Variants in THSD7A observed in about 807,000 individuals in gnomAD.
The protein encoded by THSD7A is thrombospondin type-1 domain-containing protein 7A.
Under a neutral mutation model 231.3 loss-of-function variants are expected in THSD7A, and 96 were observed. The observed-to-expected ratio is 0.41, with a 90% CI of 0.35 to 0.49. THSD7A has a LOEUF of 0.49. THSD7A is among the 20% of genes least tolerant of loss of function. The pLI is 0.05. For missense variants in THSD7A, 2,290 were observed against 2,070.2 expected, an observed-to-expected ratio of 1.11 and a Z score of -2.06; for synonymous variants, 940 against 743.3, an observed-to-expected ratio of 1.26 and a Z score of -4.30.
At chr7:11,601,544 A>T (rs571723422) in intron 2 of THSD7A, among the ~76,000 whole-genome samples, 10 of 152,238 alleles carry the variant, frequency 6.6e-5, no homozygotes, top group African/African-American at 2.4e-4. Context: ...TCTTGTGGGA[A>T]ATAAAGCTTT....
chr7:11,569,816 A>G (rs982520394), intron 4 of THSD7A, among the ~76,000 whole-genome samples: 4 of 152,222 alleles, frequency 2.6e-5, no homozygotes, highest in Non-Finnish European at 4.4e-5. Context: ...TATTTGGTAC[A>G]TGTACACAAT....
At chr7:11,452,201 G>GA (rs940706131) in intron 11 of THSD7A, among the ~76,000 whole-genome samples, 3 of 151,860 alleles carry the variant, frequency 2.0e-5, no homozygotes, top group African/African-American at 7.2e-5. Context: ...ATGGTTTTAT[G>GA]AAAAAAATGG....
At chr7:11,686,838 G>A (rs1447302174) in intron 1 of THSD7A, among the ~76,000 whole-genome samples, 2 of 151,748 alleles carry the variant, frequency 1.3e-5, no homozygotes, top group Non-Finnish European at 2.9e-5. Context: ...CTAGATGGGG[G>A]AAAGGGTTGG....
intron 1 of THSD7A, among the ~76,000 whole-genome samples, chr7:11,730,432 T>C (rs2128156957): frequency 6.6e-6 from 1 of 151,770 alleles, no homozygotes; most frequent in East Asian, 1.9e-4. Flanking sequence ...TATTATTGTC[T>C]TATAAAAGTT....
At chr7:11,574,999 G>C (rs962188554) in intron 4 of THSD7A, among the ~76,000 whole-genome samples, 1 of 152,064 alleles carries the variant, frequency 6.6e-6, no homozygotes, top group African/African-American at 2.4e-5. Context: ...ACGTTTACTA[G>C]CTATATTCCT....
intron 23 of THSD7A, chr7:11,385,068 G>A (rs1352416379): frequency 6.8e-6 from 1 of 146,928 alleles, no homozygotes; most frequent in Admixed American, 6.8e-5. Context: ...TAGTTTTATT[G>A]TCAATGCAGC....
intron 4 of THSD7A, among the ~76,000 whole-genome samples, chr7:11,555,938 C>T (rs1420533920): frequency 1.3e-5 from 2 of 151,700 alleles, no homozygotes; most frequent in East Asian, 1.9e-4. Context: ...CACAGTTTCT[C>T]ATTATTTTAC....
At chr7:11,656,635 T>C (rs1200621991) in intron 1 of THSD7A, among the ~76,000 whole-genome samples, 1 of 151,916 alleles carries the variant, frequency 6.6e-6, no homozygotes, top group Non-Finnish European at 1.5e-5. Flanking sequence ...GGCTCATTCA[T>C]AACAATATCT....
intron 1 of THSD7A, among the ~76,000 whole-genome samples, chr7:11,801,555 T>G (rs4270857): frequency 6.6e-6 from 1 of 152,144 alleles, no homozygotes; most frequent in Non-Finnish European, 1.5e-5. Flanking sequence ...CAAAATATCG[T>G]GGATTCTATA....
At chr7:11,629,137 G>A (rs1288801598) in intron 2 of THSD7A, among the ~76,000 whole-genome samples, 1 of 152,122 alleles carries the variant, frequency 6.6e-6, no homozygotes, top group African/African-American at 2.4e-5. Flanking sequence ...CTGATATACT[G>A]CTGCTTTCTC....
intron 24 of THSD7A, among the ~76,000 whole-genome samples, chr7:11,380,987 G>C (rs1782491116): frequency 6.6e-6 from 1 of 152,102 alleles, no homozygotes. Context: ...TAGAAGAAAA[G>C]TCAGGTAAAT....
At position 11,446,298 on chromosome 7, in the gene THSD7A, TAC is replaced by T; in HGVS notation, c.2825_2826del (p.Cys942Ter). On this transcript the variant is annotated frameshift_variant, in exon 13 of 28. Coordinates refer to ENST00000423059, the MANE Select transcript of THSD7A (RefSeq NM_015204.3). LOFTEE classifies it high-confidence loss of function. The surrounding 1 kb of genome is among the most constrained non-coding windows in gnomAD (Gnocchi z 4.0). ...ATCAGGGGATACAAATGGGAATTTT[TAC>T]ATTTTTCCTTCTTTTTACTTTTTCC... is the stretch of plus-strand genomic sequence containing the variant. Reference protein sequence around the residue: ...LVGKSKKKEKCKNSHLYPLIE... With the variant: ...LVGKSKKKEKXKNSHLYPLIE... 3 of 1,612,268 alleles carry T rather than the reference TAC, an allele frequency of 1.9e-6. No individual in the cohort carries two copies. The highest frequency in any genetic ancestry group is 2.5e-6 in the Non-Finnish European group (3 of 1,178,992).
intron 20 of THSD7A, 54 bp from the exon 21 acceptor site, chr7:11,407,109 A>G: frequency 6.3e-7 from 1 of 1,594,248 alleles, no homozygotes; most frequent in East Asian, 2.2e-5. Flanking sequence ...TTTTGCAAGC[A>G]TATATCTCAT....
At chr7:11,525,420 T>C (rs1159295507) in intron 6 of THSD7A, among the ~76,000 whole-genome samples, 1 of 152,184 alleles carries the variant, frequency 6.6e-6, no homozygotes, top group African/African-American at 2.4e-5. Context: ...AATTCATCAC[T>C]GTCAATAAAG....
intron 24 of THSD7A, among the ~76,000 whole-genome samples, chr7:11,380,391 C>T (rs751830454): frequency 6.6e-5 from 10 of 152,026 alleles, no homozygotes; most frequent in African/African-American, 9.7e-5. Flanking sequence ...ACATTGGTGA[C>T]GTGAAGGAAG....
intron 6 of THSD7A, among the ~76,000 whole-genome samples, chr7:11,540,504 T>C (rs990388314): frequency 6.6e-6 from 1 of 152,260 alleles, no homozygotes; most frequent in Non-Finnish European, 1.5e-5. Flanking sequence ...CTGCACATGC[T>C]GTAAACAGCA....
intron 9 of THSD7A, among the ~76,000 whole-genome samples, chr7:11,468,633 A>G (rs1389008402): frequency 6.6e-6 from 1 of 152,092 alleles, no homozygotes; most frequent in Non-Finnish European, 1.5e-5. Flanking sequence ...CAGGAGTTCT[A>G]GACCAGCCTG....
At chr7:11,736,422 C>T (rs77951061) in intron 1 of THSD7A, among the ~76,000 whole-genome samples, 7,237 of 151,726 alleles carry the variant, frequency 0.048, 188 homozygotes, top group East Asian at 0.14. Context: ...GGTGGTGCCA[C>T]TGCACTCCAG....
intron 7 of THSD7A, among the ~76,000 whole-genome samples, chr7:11,477,586 G>A (rs1040651459): frequency 2.6e-5 from 4 of 152,216 alleles, no homozygotes; most frequent in Admixed American, 2.0e-4. Flanking sequence ...TTAATGGTCT[G>A]TTGGTATTAT....
Sources: gnomAD v4.1 joint callset for allele counts (sites outside exome capture counted in the v4.1 genomes callset) on GRCh38, gnomAD v4.1.1 for gene constraint, Gnocchi (gnomAD v3.1) non-coding constraint, MANE v1.5 for transcripts, NCBI Gene and HGNC (gene_info 2026-07-23, HGNC 2026-07-21) for gene names.